Variants in XKR4 observed in about 807,000 individuals in gnomAD.
XKR4 encodes the protein XK related 4.
XKR4 carries 12 observed loss-of-function variants against 53.9 expected under a neutral mutation model. The observed-to-expected ratio is 0.22, with a 90% CI of 0.14 to 0.36. The LOEUF is 0.36. Ranked by LOEUF, XKR4 falls within the 10% of genes least tolerant of loss-of-function variation. XKR4 has a pLI of 1.00. For synonymous variants in XKR4, 354 were observed against 362.4 expected (o/e 0.98, Z 0.26); for missense variants, 799 against 859.5 (o/e 0.93, Z 0.88).
chr8:55,479,279 T>C (rs368068871), intron 2 of XKR4, among the ~76,000 whole-genome samples: 4 of 152,110 alleles, frequency 2.6e-5, no homozygotes, highest in East Asian at 1.9e-4. Flanking sequence ...GGAAACTGAA[T>C]AACCTGCTCC....
In XKR4 at chr8:55,539,472, T is replaced by C. The variant is rs184936231; in HGVS notation, c.*15245T>C. Reference sequence around the variant, plus strand: ...TCTCTTCTGGATTCTAAAATCTAATTGGCAGTGATATTTCAAAGCCTTAAC... The same window carrying C: ...TCTCTTCTGGATTCTAAAATCTAATCGGCAGTGATATTTCAAAGCCTTAAC... On this transcript the variant is annotated 3_prime_UTR_variant, in exon 3 of 3. Transcript: ENST00000327381. The C allele has an allele frequency of 5.3e-5, 8 of 152,314 alleles. 1 individual carries two copies. The East Asian group carries it at 1.4e-3, about 26-fold the overall frequency. The allele number at this position is 152,314 out of a possible 1,614,324, so 9.4% of individuals were successfully genotyped here.
chr8:55,223,874 C>T (rs1031242471), intron 1 of XKR4, among the ~76,000 whole-genome samples: 3 of 152,106 alleles, frequency 2.0e-5, no homozygotes, highest in East Asian at 3.9e-4. Flanking sequence ...CTTCACCAAA[C>T]TTCTCTTTAT....
At chr8:55,136,310 G>C (rs944978197) in intron 1 of XKR4, among the ~76,000 whole-genome samples, 1 of 82,484 alleles carries the variant, frequency 1.2e-5, no homozygotes, top group African/African-American at 2.7e-5. Flanking sequence ...GGCAGCAGCA[G>C]ATGCACTTCC....
chr8:55,133,787 G>A (rs141423511), intron 1 of XKR4, among the ~76,000 whole-genome samples: 326 of 152,260 alleles, frequency 2.1e-3, no homozygotes, highest in African/African-American at 7.6e-3. Flanking sequence ...TAAAAGAGAT[G>A]GACAGGGAGA....
chr8:55,147,528 C>A (rs1467033773), intron 1 of XKR4, among the ~76,000 whole-genome samples: 2 of 152,178 alleles, frequency 1.3e-5, no homozygotes, highest in African/African-American at 4.8e-5. Context: ...TTCTAGTTCA[C>A]ATGCTTTTGA....
At chr8:55,444,038 G>A (rs926561238) in intron 2 of XKR4, among the ~76,000 whole-genome samples, 18 of 151,966 alleles carry the variant, frequency 1.2e-4, no homozygotes, top group African/African-American at 4.4e-4. Context: ...AGGCATAATG[G>A]CACACACCTG....
intron 2 of XKR4, among the ~76,000 whole-genome samples, chr8:55,437,474 C>T (rs1308082379): frequency 6.6e-6 from 1 of 152,168 alleles, no homozygotes; most frequent in Non-Finnish European, 1.5e-5. Flanking sequence ...AACATGAGTC[C>T]AAGGCTTCCC....
chr8:55,491,187 A>G (rs902292744), intron 2 of XKR4, among the ~76,000 whole-genome samples: 1 of 151,962 alleles, frequency 6.6e-6, no homozygotes, highest in African/African-American at 2.4e-5. Flanking sequence ...GCTCTATTTT[A>G]TATCTTTTCT....
At chr8:55,289,699 A>AAGAAAGAAAGAAAGAAAGAAAG (rs1563316566) in intron 1 of XKR4, among the ~76,000 whole-genome samples, 15 of 125,598 alleles carry the variant, frequency 1.2e-4, no homozygotes, top group African/African-American at 4.1e-4. Context: ...AAGAAAGAGA[A>AAGAAAGAAAGAAAGAAAGAAAG]AGAAAGAAAG....
chr8:55,136,104 G>T lies in XKR4; in HGVS notation c.806+32810G>T, dbSNP rs899188797. Reference sequence around the variant, plus strand: ...AAACAGGGTTTCACCATGTTGGCCAGGCTGGCCTCAATCTCCTGACCTTGT... The same window carrying T: ...AAACAGGGTTTCACCATGTTGGCCATGCTGGCCTCAATCTCCTGACCTTGT... On this transcript the variant is annotated intron_variant, in intron 1 of 2. Coordinates refer to ENST00000327381, the MANE Select transcript of XKR4 (RefSeq NM_052898.2). Among the ~76,000 whole-genome samples the T allele has an allele frequency of 2.0e-5, 3 of 152,244 alleles. No individual in the cohort carries two copies. In the East Asian group the frequency reaches 5.8e-4, roughly 29 times the overall value.
chr8:55,183,897 T>C (rs1817344319), intron 1 of XKR4, among the ~76,000 whole-genome samples: 1 of 152,204 alleles, frequency 6.6e-6, no homozygotes, highest in South Asian at 2.1e-4. Context: ...GTGTTCTCTT[T>C]ATGTAATTTG....
chr8:55,376,138 A>G (rs1317658105), intron 2 of XKR4, among the ~76,000 whole-genome samples: 1 of 152,148 alleles, frequency 6.6e-6, no homozygotes, highest in Non-Finnish European at 1.5e-5. Flanking sequence ...ATTAATGGGC[A>G]TTTGGGTTGA....
chr8:55,420,101 TG>T (rs763842752), intron 2 of XKR4, among the ~76,000 whole-genome samples: 7 of 152,052 alleles, frequency 4.6e-5, no homozygotes, highest in Non-Finnish European at 1.0e-4. Context: ...TGATGTGGTT[TG>T]GGCTTTTTTT....
chr8:55,501,078 G>C (rs949876318), intron 2 of XKR4, among the ~76,000 whole-genome samples: 4 of 152,204 alleles, frequency 2.6e-5, no homozygotes, highest in Non-Finnish European at 5.9e-5. Flanking sequence ...TAATACTGTA[G>C]AGAATGCCGA....
intron 1 of XKR4, among the ~76,000 whole-genome samples, chr8:55,159,842 T>C (rs550406751): frequency 7.2e-5 from 11 of 152,312 alleles, no homozygotes; most frequent in African/African-American, 2.2e-4. Flanking sequence ...CGAGGCTAGT[T>C]CATCTGTGGT....
chr8:55,320,829 A>G (rs1163460457), intron 1 of XKR4, among the ~76,000 whole-genome samples: 2 of 152,038 alleles, frequency 1.3e-5, no homozygotes, highest in Admixed American at 1.3e-4. Flanking sequence ...GAAACATCAG[A>G]AACTACGACA....
chr8:55,193,947 T>G (rs1817475139), intron 1 of XKR4, among the ~76,000 whole-genome samples: 1 of 152,190 alleles, frequency 6.6e-6, no homozygotes, highest in Admixed American at 6.5e-5. Context: ...GTGAGGCCTC[T>G]TCACTGGCCT....
chr8:55,450,945 A>G, intron 2 of XKR4: 1 of 492,606 alleles, frequency 2.0e-6, no homozygotes, highest in Non-Finnish European at 3.8e-6. Context: ...CAGCAAGCGC[A>G]GGAAGGAGAC....
intron 2 of XKR4, among the ~76,000 whole-genome samples, chr8:55,424,537 G>A (rs1408925190): frequency 6.6e-6 from 1 of 152,156 alleles, no homozygotes; most frequent in South Asian, 2.1e-4. Context: ...CTAATAAAAG[G>A]CACTGCTAAA....
Sources: allele counts gnomAD v4.1 joint callset (sites outside exome capture counted in the v4.1 genomes callset), GRCh38; gene constraint gnomAD v4.1.1; transcripts MANE v1.5; gene names NCBI Gene and HGNC (gene_info 2026-07-23, HGNC 2026-07-21).